The following GRID1 variants were observed in gnomAD, a reference collection of about 807,000 sequenced individuals.
The protein encoded by GRID1 is glutamate ionotropic receptor delta type subunit 1.
In GRID1, 28 loss-of-function variants were observed where a neutral mutation model predicts 98.0. The ratio of observed to expected loss-of-function variants is 0.29; its 90% CI spans 0.21 to 0.39. The LOEUF is 0.39. Ranked by LOEUF, GRID1 falls within the 10% of genes least tolerant of loss-of-function variation. The probability of loss-of-function intolerance (pLI) is 1.00; values close to 1 mark genes in which losing one functional copy is unlikely to be tolerated. For missense variants in GRID1, 1,111 were observed against 1,340.5 expected (o/e 0.83, Z 2.67); for synonymous variants, 553 against 538.5 (o/e 1.03, Z -0.37).
At chr10:85,841,678 T>C (rs1342642946) in intron 8 of GRID1, among the ~76,000 whole-genome samples, 1 of 151,876 alleles carries the variant, frequency 6.6e-6, no homozygotes, top group Admixed American at 6.6e-5. Flanking sequence ...CATGAACAGA[T>C]GCTTTTCAAA....
At chr10:86,067,496 T>C (rs1304183616) in intron 4 of GRID1, among the ~76,000 whole-genome samples, 3 of 152,250 alleles carry the variant, frequency 2.0e-5, no homozygotes, top group African/African-American at 7.2e-5. Flanking sequence ...TTTGGGAATG[T>C]AGTTAAAACT....
At chr10:85,869,225 A>G (rs1481268333) in intron 5 of GRID1, 45 bp from the exon 6 acceptor site, 1 of 1,558,570 alleles carries the variant, frequency 6.4e-7, no homozygotes, top group South Asian at 1.1e-5. Context: ...CTCATGAACT[A>G]TCTCTGCAAG....
At chr10:85,924,743 T>C (rs1471354028) in intron 4 of GRID1, among the ~76,000 whole-genome samples, 2 of 152,226 alleles carry the variant, frequency 1.3e-5, no homozygotes, top group Admixed American at 6.5e-5. Context: ...ACTAAATTCA[T>C]GTAAAATTCT....
At chr10:85,956,299 C>A (rs549080940) in intron 4 of GRID1, among the ~76,000 whole-genome samples, 2 of 152,320 alleles carry the variant, frequency 1.3e-5, no homozygotes, top group South Asian at 4.1e-4. Context: ...CCACTTGAAT[C>A]TCTAATTGGC....
intron 4 of GRID1, among the ~76,000 whole-genome samples, chr10:86,121,312 C>T (rs1308899788): frequency 1.7e-4 from 26 of 152,080 alleles, no homozygotes; most frequent in Admixed American, 1.7e-3. Context: ...CCACCATCAC[C>T]ATCATCACCA....
chr10:86,127,354 C>T (rs1844769567), intron 4 of GRID1, among the ~76,000 whole-genome samples: 1 of 152,194 alleles, frequency 6.6e-6, no homozygotes, highest in Non-Finnish European at 1.5e-5. Context: ...TGAAGAGTAA[C>T]TCTGCAGGCA....
At chr10:85,846,078 G>A (rs1590262072) in intron 8 of GRID1, among the ~76,000 whole-genome samples, 1 of 152,004 alleles carries the variant, frequency 6.6e-6, no homozygotes, top group Non-Finnish European at 1.5e-5. Flanking sequence ...TGTGATTCAC[G>A]TAAGATTTAG....
intron 5 of GRID1, among the ~76,000 whole-genome samples, chr10:85,891,568 C>A: frequency 6.6e-6 from 1 of 152,120 alleles, no homozygotes; most frequent in East Asian, 1.9e-4. Flanking sequence ...GGATAACAGG[C>A]ATAACTAGAC....
intron 5 of GRID1, among the ~76,000 whole-genome samples, chr10:85,900,549 C>T (rs1486268659): frequency 6.6e-6 from 1 of 152,204 alleles, no homozygotes; most frequent in Admixed American, 6.5e-5. Flanking sequence ...CTCTGCAAAA[C>T]GGCAATACAC....
chr10:86,196,386 G>A (rs1427991588), intron 3 of GRID1, among the ~76,000 whole-genome samples: 1 of 151,924 alleles, frequency 6.6e-6, no homozygotes, highest in African/African-American at 2.4e-5. Context: ...GGGACCTCAG[G>A]GAGTGCAATC....
intron 12 of GRID1, among the ~76,000 whole-genome samples, chr10:85,707,602 C>T (rs912295103): frequency 6.6e-6 from 1 of 152,194 alleles, no homozygotes; most frequent in South Asian, 2.1e-4. Flanking sequence ...ACCCACCTAT[C>T]CCATTACTGG....
chr10:85,702,735 GAGA>G (rs1400497014), intron 12 of GRID1, among the ~76,000 whole-genome samples: 2 of 151,170 alleles, frequency 1.3e-5, no homozygotes, highest in African/African-American at 2.4e-5. Context: ...AGAACAAAAA[GAGA>G]AGAAGAAAAA....
At chr10:85,848,241 G>A (rs1403847602) in intron 8 of GRID1, among the ~76,000 whole-genome samples, 1 of 151,968 alleles carries the variant, frequency 6.6e-6, no homozygotes, top group Admixed American at 6.5e-5. Context: ...TGTACATCAG[G>A]AGCCTAAAAG....
intron 4 of GRID1, among the ~76,000 whole-genome samples, chr10:86,077,466 GC>G (rs201635155): frequency 0.01 from 1,550 of 152,248 alleles, 13 homozygotes; most frequent in Middle Eastern, 0.027. Flanking sequence ...AACCTGGAGT[GC>G]CCTTCCCACT....
intron 8 of GRID1, among the ~76,000 whole-genome samples, chr10:85,812,640 A>G (rs368611330): frequency 1.3e-5 from 2 of 152,048 alleles, no homozygotes; most frequent in African/African-American, 4.8e-5. Context: ...CTGGAAAAAA[A>G]TGCAGAAAAT....
At chr10:86,099,370 A>C (rs1844262973) in intron 4 of GRID1, among the ~76,000 whole-genome samples, 1 of 152,210 alleles carries the variant, frequency 6.6e-6, no homozygotes, top group Non-Finnish European at 1.5e-5. Context: ...AGCACTGGAA[A>C]TACAGAGACC....
chr10:86,354,634 A>G (rs1173271529), intron 2 of GRID1, among the ~76,000 whole-genome samples: 3 of 152,176 alleles, frequency 2.0e-5, no homozygotes, highest in South Asian at 2.1e-4. Flanking sequence ...CAGATAATCA[A>G]TCAGATTTGG....
In GRID1 at chr10:85,613,608, C is replaced by T. The variant is rs1199570093; in HGVS notation, c.2400G>A (p.Leu800=). ...CCATGTGCGGCCACCACTTCTGCTT[C>T]AGCACATCCAGGTCCCCTGTGTCCT... ...ELQDTGDLDV[L]KQKWWPHMGR... Residue 800 remains leucine (L), a synonymous_variant, in exon 15 of 16, where the codon CTG becomes CTA. Transcript: ENST00000327946. 10 of 1,614,064 alleles carry T rather than the reference C, an allele frequency of 6.2e-6. No individual in the cohort carries two copies. Among genetic ancestry groups the T allele is most frequent in the Non-Finnish European group, 7.6e-6 (9 of 1,180,040 alleles).
At chr10:85,634,249 C>CTCTCT (rs1554860991) in intron 13 of GRID1, among the ~76,000 whole-genome samples, 1 of 92,314 alleles carries the variant, frequency 1.1e-5, no homozygotes, top group Non-Finnish European at 2.1e-5. Context: ...TGATGGGGCA[C>CTCTCT]CTCTCTCTCT....
Sources: gnomAD v4.1 joint callset for allele counts (sites outside exome capture counted in the v4.1 genomes callset) on GRCh38, gnomAD v4.1.1 for gene constraint, MANE v1.5 for transcripts, NCBI Gene and HGNC (gene_info 2026-07-23, HGNC 2026-07-21) for gene names.